FCGR2A: variants seen among roughly 807,000 people sequenced by gnomAD.
FCGR2A encodes the protein Fc gamma receptor IIa, also known as low affinity immunoglobulin gamma Fc region receptor II-a.
In FCGR2A, 18 loss-of-function variants were observed where a neutral mutation model predicts 29.3. The observed-to-expected ratio is 0.62, with a 90% confidence interval of 0.43 to 0.91. The LOEUF is 0.91. Among genes scored for constraint, FCGR2A ranks in the 40% least tolerant of loss-of-function variants. The pLI is 0.00. For synonymous variants in FCGR2A, 126 were observed against 144.8 expected (o/e 0.87, Z 0.93); for missense variants, 287 against 393.0 (o/e 0.73, Z 2.28).
intron 3 of FCGR2A, among the ~76,000 whole-genome samples, chr1:161,508,638 T>G (rs1288946292): frequency 6.6e-6 from 1 of 151,958 alleles, no homozygotes; most frequent in Non-Finnish European, 1.5e-5. Context: ...AATTTTTATT[T>G]AAATAAGATC....
chr1:161,515,317 A>C (rs534936028), intron 6 of FCGR2A, among the ~76,000 whole-genome samples: 2 of 152,358 alleles, frequency 1.3e-5, no homozygotes, highest in Admixed American at 1.3e-4. Flanking sequence ...AACGTCCTTA[A>C]AAAATTAGAT....
chr1:161,512,175 T>C (rs1476643832), intron 5 of FCGR2A, among the ~76,000 whole-genome samples: 7 of 150,118 alleles, frequency 4.7e-5, no homozygotes, highest in Non-Finnish European at 1.0e-4. Context: ...TTAGGGGCTG[T>C]AAGACTGAGG....
At chr1:161,507,930 T>C (rs893841652) in intron 3 of FCGR2A, among the ~76,000 whole-genome samples, 3 of 151,304 alleles carry the variant, frequency 2.0e-5, no homozygotes, top group Non-Finnish European at 4.4e-5. Flanking sequence ...CTACTAAAAA[T>C]ACAAAATTAG....
rs1366996362 is a variant in FCGR2A, at chr1:161,506,407, G to A, written c.180G>A (p.Leu60=). 1 of 1,614,228 alleles carries A rather than the reference G, an allele frequency of 6.2e-7. No individual in the cohort carries two copies. The highest frequency in any genetic ancestry group is 1.7e-5 in the Admixed American group (1 of 60,030). The change falls in exon 3 of 7, where the codon CTG becomes CTA. Residue 60 remains leucine (L), a synonymous_variant. Transcript: ENST00000271450. ...INVLQEDSVT[L]TCQGARSPES... ...TGCTCCAGGAGGACTCTGTGACTCT[G>A]ACATGCCAGGGGGCTCGCAGCCCTG...
At chr1:161,508,832 A>C (rs1416707577) in intron 3 of FCGR2A, among the ~76,000 whole-genome samples, 1 of 152,186 alleles carries the variant, frequency 6.6e-6, no homozygotes, top group Admixed American at 6.5e-5. Flanking sequence ...GGAAAAAGTG[A>C]TTTTAAATTT....
chr1:161,513,870 C>T (rs765896497), intron 5 of FCGR2A, 25 bp from the exon 6 acceptor site: 5 of 1,614,252 alleles, frequency 3.1e-6, no homozygotes, highest in Non-Finnish European at 4.2e-6. Flanking sequence ...AGTGCCCTGG[C>T]TAATCTTTTT....
At chr1:161,509,740 G>A (rs541361041) in intron 3 of FCGR2A, 80 bp from the exon 4 acceptor site, 7 of 1,559,000 alleles carry the variant, frequency 4.5e-6, no homozygotes, top group East Asian at 4.5e-5. Context: ...GTCAAGTTCT[G>A]TGAGTAACGT....
chr1:161,508,268 G>T (rs1325335902), intron 3 of FCGR2A, among the ~76,000 whole-genome samples: 1 of 151,524 alleles, frequency 6.6e-6, no homozygotes, highest in Non-Finnish European at 1.5e-5. Context: ...TCTCAGTAAT[G>T]GTACCTGGCC....
At chr1:161,512,391 C>T (rs1262930132) in intron 5 of FCGR2A, among the ~76,000 whole-genome samples, 4 of 147,448 alleles carry the variant, frequency 2.7e-5, no homozygotes, top group Non-Finnish European at 4.5e-5. Flanking sequence ...GGGCAAAGCT[C>T]GGTTCCAATG....
At chr1:161,511,263 G>T (rs1453669806) in intron 5 of FCGR2A, among the ~76,000 whole-genome samples, 2 of 152,190 alleles carry the variant, frequency 1.3e-5, no homozygotes, top group African/African-American at 2.4e-5. Flanking sequence ...CTTAGCTAGG[G>T]AAGGAGGACT....
downstream of FCGR2A, among the ~76,000 whole-genome samples, chr1:161,521,900 T>C (rs543879195): frequency 3.7e-4 from 56 of 151,624 alleles, no homozygotes; most frequent in African/African-American, 1.2e-3. Context: ...TACAACTTGC[T>C]TTTTTTTTGT....
In FCGR2A at chr1:161,518,302, C is replaced by T; in HGVS notation, c.*154C>T. Reference sequence around the variant, plus strand: ...AGAAATAGCTTTAACTTTGCTTAAACTACAAACACAAGCAAAACTTCACGG... The same window carrying T: ...AGAAATAGCTTTAACTTTGCTTAAATTACAAACACAAGCAAAACTTCACGG... On this transcript the variant is annotated 3_prime_UTR_variant, in exon 7 of 7. Coordinates refer to ENST00000271450, the MANE Select transcript of FCGR2A (RefSeq NM_001136219.3). 1 of 1,185,526 alleles carries T rather than the reference C, an allele frequency of 8.4e-7. No individual in the cohort carries two copies. Among genetic ancestry groups the T allele is most frequent in the South Asian group, 1.6e-5 (1 of 60,992 alleles). 73.4% of individuals were successfully genotyped at this position (1,185,526 alleles called of 1,614,324 possible).
downstream of FCGR2A, among the ~76,000 whole-genome samples, chr1:161,521,153 C>G (rs1676435406): frequency 6.7e-6 from 1 of 150,196 alleles, no homozygotes; most frequent in African/African-American, 2.5e-5. Flanking sequence ...TCATTTTTCT[C>G]CATTGTGCTT....
chr1:161,516,034 A>C (rs926221280), intron 6 of FCGR2A, among the ~76,000 whole-genome samples: 3 of 152,114 alleles, frequency 2.0e-5, no homozygotes, highest in African/African-American at 7.2e-5. Flanking sequence ...GACCTGAGTA[A>C]TCTTTAATAA....
intron 3 of FCGR2A, among the ~76,000 whole-genome samples, chr1:161,507,238 T>TC (rs1158507614): frequency 6.7e-6 from 1 of 150,134 alleles, no homozygotes; most frequent in Non-Finnish European, 1.5e-5. Flanking sequence ...CTTTTTTTTT[T>TC]CCCCCAAGTA....
Position 161,506,496 on chromosome 1 carries a change from A to G in FCGR2A, c.269A>G (p.Tyr90Cys). The G allele has an allele frequency of 1.9e-6, 3 of 1,614,212 alleles. No homozygotes were observed. Among genetic ancestry groups the G allele is most frequent in the East Asian group, 4.5e-5 (2 of 44,876 alleles). ...ATTCCCACCCACACGCAGCCCAGCT[A>G]CAGGTTCAAGGCCAACAACAATGAC... ...NLIPTHTQPS[Y>C]RFKANNNDSG... Residue 90 changes from tyrosine (Y) to cysteine (C), a missense_variant, in exon 3 of 7, where the codon TAC becomes TGC. Around this residue, in one of 3 missense-constraint regions of FCGR2A, gnomAD observed 181 missense variants for 250.9 expected, o/e 0.72. Transcript: ENST00000271450.
chr1:161,520,010 C>T (rs966799709), downstream of FCGR2A: 2 of 151,732 alleles, frequency 1.3e-5, no homozygotes, highest in Non-Finnish European at 2.9e-5. Context: ...CCTTAAAGAG[C>T]CTTCCATTTT....
At chr1:161,521,472 G>A (rs1676446405), downstream of FCGR2A, among the ~76,000 whole-genome samples, 1 of 145,254 alleles carries the variant, frequency 6.9e-6, no homozygotes, top group African/African-American at 2.6e-5. Context: ...CTTGTTCAAG[G>A]ACAAACAGGT....
chr1:161,505,605 G>A (rs565005790), intron 1 of FCGR2A, 53 bp downstream of exon 1: 2 of 1,403,016 alleles, frequency 1.4e-6, no homozygotes, highest in Non-Finnish European at 2.0e-6. Context: ...CTACTGCCTG[G>A]ACTCCAGGTA....
Sources: allele counts gnomAD v4.1 joint callset (sites outside exome capture counted in the v4.1 genomes callset), GRCh38; gene constraint gnomAD v4.1.1; regional missense constraint gnomAD v4.1.1; transcripts MANE v1.5; gene names NCBI Gene and HGNC (gene_info 2026-07-23, HGNC 2026-07-21).